The following GPC5 variants were observed in gnomAD, a reference collection of about 807,000 sequenced individuals.
GPC5 encodes glypican-5.
GPC5 carries 47 observed loss-of-function variants against 53.9 expected under a neutral mutation model. The ratio of observed to expected loss-of-function variants is 0.87; its 90% CI spans 0.69 to 1.11. GPC5 has a LOEUF of 1.11. GPC5 is among the 50% of genes most tolerant of loss of function. The pLI, the probability that GPC5 is intolerant of heterozygous loss-of-function variation, is 0.00. For missense variants in GPC5, 748 were observed against 713.1 expected, an observed-to-expected ratio of 1.05 and a Z score of -0.56; for synonymous variants, 286 against 263.3, an observed-to-expected ratio of 1.09 and a Z score of -0.84.
intron 7 of GPC5, among the ~76,000 whole-genome samples, chr13:92,220,447 G>A (rs539912447): frequency 8.5e-5 from 13 of 152,224 alleles, no homozygotes; most frequent in South Asian, 4.2e-4. Flanking sequence ...TAAGTTGGGC[G>A]TAAAATCTAT....
chr13:92,613,318 A>G (rs1477642498), intron 7 of GPC5, among the ~76,000 whole-genome samples: 1 of 102,004 alleles, frequency 9.8e-6, no homozygotes, highest in Admixed American at 1.5e-4. Flanking sequence ...TGTATATAAT[A>G]AATATTTATA....
intron 6 of GPC5, among the ~76,000 whole-genome samples, chr13:91,941,172 T>C (rs942631632): frequency 4.6e-5 from 7 of 152,116 alleles, no homozygotes; most frequent in Non-Finnish European, 2.9e-5. Context: ...CATGTGACTT[T>C]ATTTCACTGC....
At chr13:91,750,025 A>G (rs546364618) in intron 4 of GPC5, among the ~76,000 whole-genome samples, 19 of 152,174 alleles carry the variant, frequency 1.2e-4, no homozygotes, top group African/African-American at 4.3e-4. Flanking sequence ...GGCCAGGCTG[A>G]TCTCAAACTC....
At chr13:91,682,175 A>ATT (rs1312278506) in intron 2 of GPC5, among the ~76,000 whole-genome samples, 1 of 152,202 alleles carries the variant, frequency 6.6e-6, no homozygotes, top group African/African-American at 2.4e-5. Context: ...AGGAATGATT[A>ATT]ATAATACAAT....
At chr13:92,776,014 G>T (rs1318142037) in intron 7 of GPC5, among the ~76,000 whole-genome samples, 1 of 152,150 alleles carries the variant, frequency 6.6e-6, no homozygotes, top group Non-Finnish European at 1.5e-5. Flanking sequence ...TTTCCTACAG[G>T]CGCTGTAAGA....
At chr13:92,025,243 C>G (rs545438007) in intron 6 of GPC5, among the ~76,000 whole-genome samples, 1 of 151,820 alleles carries the variant, frequency 6.6e-6, no homozygotes, top group Admixed American at 6.6e-5. Context: ...TATAGTTGGA[C>G]AGCTTTTCCC....
At chr13:91,549,734 A>G (rs1395228295) in intron 2 of GPC5, among the ~76,000 whole-genome samples, 3 of 152,136 alleles carry the variant, frequency 2.0e-5, no homozygotes, top group African/African-American at 7.2e-5. Context: ...TATTAGAATA[A>G]ACAGAATCCA....
chr13:91,985,822 C>T (rs1166901072), intron 6 of GPC5, among the ~76,000 whole-genome samples: 2 of 152,072 alleles, frequency 1.3e-5, no homozygotes, highest in East Asian at 3.9e-4. Context: ...ATGACTAAAA[C>T]AACACCACAT....
chr13:92,180,414 A>C (rs1361434311), intron 7 of GPC5, among the ~76,000 whole-genome samples: 1 of 152,224 alleles, frequency 6.6e-6, no homozygotes, highest in Non-Finnish European at 1.5e-5. Flanking sequence ...CTCTTTGTGA[A>C]TGTGTATGTA....
chr13:92,081,403 G>A (rs1433995046), intron 6 of GPC5, among the ~76,000 whole-genome samples: 1 of 152,182 alleles, frequency 6.6e-6, no homozygotes, highest in Non-Finnish European at 1.5e-5. Flanking sequence ...CGCCTGACCT[G>A]TGTCTTTCAT....
chr13:91,867,322 A>T (rs1329386772), intron 5 of GPC5, among the ~76,000 whole-genome samples: 1 of 152,206 alleles, frequency 6.6e-6, no homozygotes, highest in African/African-American at 2.4e-5. Context: ...AATCTTCACC[A>T]CTTACATGAC....
intron 6 of GPC5, among the ~76,000 whole-genome samples, chr13:91,977,197 C>A (rs923744857): frequency 9.9e-5 from 15 of 151,900 alleles, no homozygotes; most frequent in Admixed American, 9.8e-4. Flanking sequence ...ATAAATATGC[C>A]ATGTTTCTAA....
chr13:91,504,791 TA>T (rs59426149), intron 2 of GPC5, among the ~76,000 whole-genome samples: 18 of 148,474 alleles, frequency 1.2e-4, no homozygotes, highest in Non-Finnish European at 1.5e-4. Context: ...GACCCATCTC[TA>T]AAAAAAAAAT....
intron 7 of GPC5, among the ~76,000 whole-genome samples, chr13:92,368,204 C>G (rs953051670): frequency 2.0e-5 from 3 of 151,544 alleles, no homozygotes; most frequent in East Asian, 2.0e-4. Flanking sequence ...AGTCTGGTCT[C>G]GAACTCCTGA....
At chr13:92,673,174 C>A (rs1886812543) in intron 7 of GPC5, among the ~76,000 whole-genome samples, 1 of 151,776 alleles carries the variant, frequency 6.6e-6, no homozygotes, top group Non-Finnish European at 1.5e-5. Flanking sequence ...AAAAAGAATG[C>A]AAGATTTTAG....
intron 2 of GPC5, among the ~76,000 whole-genome samples, chr13:91,501,961 C>T (rs1382269889): frequency 6.6e-6 from 1 of 152,216 alleles, no homozygotes; most frequent in African/African-American, 2.4e-5. Flanking sequence ...GATGGTATCT[C>T]ATTGTGGTTT....
intron 7 of GPC5, among the ~76,000 whole-genome samples, chr13:92,308,177 G>A (rs1421024605): frequency 1.3e-5 from 2 of 152,130 alleles, no homozygotes; most frequent in African/African-American, 2.4e-5. Flanking sequence ...CCGGCAAAAC[G>A]ATATGATGTT....
intron 7 of GPC5, among the ~76,000 whole-genome samples, chr13:92,312,632 T>G (rs2043152588): frequency 6.6e-6 from 1 of 152,164 alleles, no homozygotes; most frequent in Non-Finnish European, 1.5e-5. Context: ...TCCTCTAAAA[T>G]TTCTTTCAAA....
At chr13:91,571,298 A>T (rs1160382513) in intron 2 of GPC5, among the ~76,000 whole-genome samples, 3 of 152,144 alleles carry the variant, frequency 2.0e-5, no homozygotes, top group African/African-American at 7.2e-5. Context: ...TTTCAGATAG[A>T]GGAAAAATGA....
Sources: allele counts gnomAD v4.1 joint callset (sites outside exome capture counted in the v4.1 genomes callset), GRCh38; gene constraint gnomAD v4.1.1; transcripts MANE v1.5; gene names NCBI Gene and HGNC (gene_info 2026-07-23, HGNC 2026-07-21).